Variants in TNR observed in about 807,000 individuals in gnomAD.
TNR encodes the protein tenascin-R.
A neutral mutation model predicts 150.4 loss-of-function variants in TNR; 45 were observed. The ratio of observed to expected loss-of-function variants is 0.30; its 90% CI spans 0.24 to 0.38. The LOEUF (loss-of-function observed/expected upper bound fraction) is 0.38. Ranked by LOEUF, TNR falls within the 10% of genes least tolerant of loss-of-function variation. TNR has a pLI of 1.00. For synonymous variants in TNR, 687 were observed against 678.4 expected (o/e 1.01, Z -0.20); for missense variants, 1,544 against 1,759.1 (o/e 0.88, Z 2.19).
intron 2 of TNR, among the ~76,000 whole-genome samples, chr1:175,457,650 A>T (rs1025083996): frequency 1.3e-5 from 2 of 152,254 alleles, no homozygotes; most frequent in African/African-American, 4.8e-5. Flanking sequence ...AAGCAAAAAA[A>T]CAGAAAGAAA....
At chr1:175,617,861 A>T (rs2101861639) in intron 1 of TNR, among the ~76,000 whole-genome samples, 1 of 152,310 alleles carries the variant, frequency 6.6e-6, no homozygotes, top group Admixed American at 6.5e-5. Flanking sequence ...ATCTTTTCAA[A>T]GTAGTTTTCA....
intron 2 of TNR, among the ~76,000 whole-genome samples, chr1:175,471,333 C>T (rs7548041): frequency 0.14 from 20,736 of 152,114 alleles, 1,519 homozygotes; most frequent in South Asian, 0.18. Context: ...GTTGTTTAAC[C>T]TGGAGGATTA....
intron 1 of TNR, among the ~76,000 whole-genome samples, chr1:175,675,600 A>G (rs571753790): frequency 3.8e-4 from 58 of 152,354 alleles, no homozygotes; most frequent in African/African-American, 1.3e-3. Context: ...AGTTACCAGC[A>G]GAGTAATGCA....
intron 1 of TNR, among the ~76,000 whole-genome samples, chr1:175,673,266 A>G (rs1665759130): frequency 6.6e-6 from 1 of 152,212 alleles, no homozygotes; most frequent in Non-Finnish European, 1.5e-5. Context: ...GGATGATTAG[A>G]GAATGGATGA....
chr1:175,533,145 A>G (rs1230446384), intron 1 of TNR, among the ~76,000 whole-genome samples: 2 of 152,254 alleles, frequency 1.3e-5, no homozygotes, highest in Admixed American at 1.3e-4. Flanking sequence ...ACTACAAATG[A>G]AAAGTGTAAC....
In TNR at chr1:175,680,450, T is replaced by C. The variant is rs140060597; in HGVS notation, c.-165+62776A>G. Among the ~76,000 whole-genome samples, 210 of 151,264 alleles carry C rather than the reference T, an allele frequency of 1.4e-3. 3 individuals carry two copies. Among genetic ancestry groups the C allele is most frequent in the African/African-American group, 4.9e-3 (202 of 41,140 alleles). On this transcript the variant is annotated intron_variant, in intron 1 of 22. Transcript: ENST00000367674. ...TGAGAAAGGCGGGAGTGTGTTAAGA[T>C]GGGAAAGGGGAAGTGAGAGAAAGAG...
At position 175,578,231 on chromosome 1, in the gene TNR, G is replaced by A. The variant is rs372886993; in HGVS notation, c.-164-49862C>T. ...GGTGGAGCGGGCAGGCCTGCCGGGG[G>A]AAACTGGATGCATTCAGGGGAGATC... On this transcript the variant is annotated intron_variant, in intron 1 of 22. Transcript: ENST00000367674. Among the ~76,000 whole-genome samples the A allele has an allele frequency of 2.6e-5, 4 of 152,186 alleles. No individual in the cohort carries two copies. The East Asian group carries it at 7.7e-4, about 29-fold the overall frequency.
At chr1:175,651,362 A>G (rs1450236147) in intron 1 of TNR, among the ~76,000 whole-genome samples, 1 of 151,992 alleles carries the variant, frequency 6.6e-6, no homozygotes, top group African/African-American at 2.4e-5. Context: ...CCTTGAGGGG[A>G]GGGAAGGGAT....
At chr1:175,486,654 G>A (rs534110335) in intron 2 of TNR, among the ~76,000 whole-genome samples, 1 of 152,294 alleles carries the variant, frequency 6.6e-6, no homozygotes, top group East Asian at 1.9e-4. Context: ...TGGGATTGCT[G>A]GGTCAAATAG....
chr1:175,557,883 C>A (rs931606112), intron 1 of TNR, among the ~76,000 whole-genome samples: 10 of 108,330 alleles, frequency 9.2e-5, no homozygotes, highest in Non-Finnish European at 1.9e-4. Context: ...AAATGTCCAA[C>A]AACGATAGAC....
chr1:175,650,784 T>TA (rs1470072216), intron 1 of TNR, among the ~76,000 whole-genome samples: 2 of 34,020 alleles, frequency 5.9e-5, no homozygotes, highest in East Asian at 8.4e-4. Context: ...ACCTCATTAC[T>TA]CCTCCTCCCC....
At chr1:175,572,646 A>T (rs1661927424) in intron 1 of TNR, among the ~76,000 whole-genome samples, 1 of 152,194 alleles carries the variant, frequency 6.6e-6, no homozygotes, top group East Asian at 1.9e-4. Flanking sequence ...TACATAAAAA[A>T]ATTGAAAGAT....
Position 175,429,238 on chromosome 1 carries a change from T to C in TNR, c.-63-22461A>G, listed in dbSNP as rs187152880. On this transcript the variant is annotated intron_variant, in intron 2 of 22. Coordinates refer to ENST00000367674, the MANE Select transcript of TNR (RefSeq NM_003285.3). ...CAGAAGAAATTTTCAGTCTTTAACA[T>C]GCAAACATGATTTGTGAATCATTAA... 1.6e-3 allele frequency among the ~76,000 whole-genome samples: 251 copies of C among 152,304 alleles called. 1 individual carries two copies. Among genetic ancestry groups the C allele is most frequent in the South Asian group, 5.4e-3 (26 of 4,824 alleles).
intron 1 of TNR, among the ~76,000 whole-genome samples, chr1:175,575,732 G>A (rs1662081355): frequency 6.6e-6 from 1 of 152,168 alleles, no homozygotes; most frequent in African/African-American, 2.4e-5. Context: ...ATTCCAGGTG[G>A]GAGAGAGCCC....
chr1:175,388,585 A>G (rs946528082), intron 7 of TNR, among the ~76,000 whole-genome samples: 2 of 152,238 alleles, frequency 1.3e-5, no homozygotes, highest in African/African-American at 4.8e-5. Context: ...TCTATTTTGT[A>G]GCCACTCTTG....
chr1:175,620,524 AC>A, intron 1 of TNR, among the ~76,000 whole-genome samples: 1 of 152,282 alleles, frequency 6.6e-6, no homozygotes, highest in East Asian at 1.9e-4. Context: ...CCCTTCGCCC[AC>A]CTCCAGCAGA....
At chr1:175,436,029 C>T (rs1216140598) in intron 2 of TNR, among the ~76,000 whole-genome samples, 1 of 152,198 alleles carries the variant, frequency 6.6e-6, no homozygotes, top group Non-Finnish European at 1.5e-5. Context: ...ATGGGCTTCC[C>T]TTTGTGGGTA....
intron 5 of TNR, among the ~76,000 whole-genome samples, chr1:175,395,033 C>A (rs1644492468): frequency 6.6e-6 from 1 of 151,488 alleles, no homozygotes. Flanking sequence ...ATATTTAAAA[C>A]CAGTTCTCAG....
intron 2 of TNR, among the ~76,000 whole-genome samples, chr1:175,500,175 A>G (rs374374402): frequency 5.3e-5 from 8 of 152,186 alleles, no homozygotes; most frequent in African/African-American, 1.9e-4. Flanking sequence ...TGAATGAGTC[A>G]CTACTTCCAG....
Sources: gnomAD v4.1 joint callset for allele counts (sites outside exome capture counted in the v4.1 genomes callset) on GRCh38, gnomAD v4.1.1 for gene constraint, MANE v1.5 for transcripts, NCBI Gene and HGNC (gene_info 2026-07-23, HGNC 2026-07-21) for gene names.